The following SEC24B variants were observed in gnomAD, a reference collection of about 807,000 sequenced individuals.
SEC24B encodes SEC24 homolog B, COPII component.
Under a neutral mutation model 142.8 loss-of-function variants are expected in SEC24B, and 45 were observed. That is an observed-to-expected ratio of 0.32 (90% CI 0.25 to 0.40). The LOEUF is 0.40. SEC24B is among the 10% of genes least tolerant of loss of function. The pLI is 1.00. For missense variants in SEC24B, 1,409 were observed against 1,526.8 expected, an observed-to-expected ratio of 0.92 and a Z score of 1.29; for synonymous variants, 574 against 568.2, an observed-to-expected ratio of 1.01 and a Z score of -0.15.
At chr4:109,506,652 T>A in intron 7 of SEC24B, 140 bp downstream of exon 7, 1 of 586,746 alleles carries the variant, frequency 1.7e-6, no homozygotes, top group Non-Finnish European at 2.6e-6. Flanking sequence ...TGTATAGATG[T>A]AAAATTTGAC....
At chr4:109,464,730 A>C (rs1033401027) in intron 2 of SEC24B, among the ~76,000 whole-genome samples, 34 of 152,220 alleles carry the variant, frequency 2.2e-4, no homozygotes, top group African/African-American at 8.0e-4. Context: ...TGCTGTGGAA[A>C]GATATCCTTC....
chr4:109,502,045 A>G (rs1736211619), intron 6 of SEC24B, among the ~76,000 whole-genome samples: 2 of 152,244 alleles, frequency 1.3e-5, no homozygotes, highest in South Asian at 4.1e-4. Context: ...GTGGTCAGAT[A>G]AGCAGCCTTC....
intron 4 of SEC24B, among the ~76,000 whole-genome samples, chr4:109,483,898 AT>A (rs1433867626): frequency 6.6e-6 from 1 of 152,228 alleles, no homozygotes; most frequent in African/African-American, 2.4e-5. Flanking sequence ...TTGCTTTATA[AT>A]TCTCTATCAA....
intron 1 of SEC24B, among the ~76,000 whole-genome samples, chr4:109,453,514 C>T (rs1439538290): frequency 1.6e-5 from 2 of 126,716 alleles, no homozygotes; most frequent in Non-Finnish European, 3.1e-5. Context: ...AGCGATATTT[C>T]TCTTACCCGT....
intron 1 of SEC24B, among the ~76,000 whole-genome samples, chr4:109,434,810 C>T (rs1163137670): frequency 1.3e-4 from 20 of 152,172 alleles, no homozygotes; most frequent in African/African-American, 4.6e-4. Flanking sequence ...GCAGGGCCTT[C>T]ATACAGGCAG....
intron 7 of SEC24B, among the ~76,000 whole-genome samples, chr4:109,508,385 C>T (rs1736948560): frequency 6.6e-6 from 1 of 151,736 alleles, no homozygotes; most frequent in African/African-American, 2.4e-5. Context: ...GACAACATGG[C>T]GAAACCCCTT....
At chr4:109,445,724 A>G (rs1729392778) in intron 1 of SEC24B, among the ~76,000 whole-genome samples, 1 of 151,318 alleles carries the variant, frequency 6.6e-6, no homozygotes, top group Admixed American at 6.6e-5. Context: ...ACAAACCACC[A>G]CACCTGCGTA....
In SEC24B at chr4:109,477,890, C is replaced by T. The variant is rs560033800; in HGVS notation, c.1061-3787C>T. Among the ~76,000 whole-genome samples, 10 of 152,212 alleles carry T rather than the reference C, an allele frequency of 6.6e-5. No homozygotes were observed. In the South Asian group the frequency reaches 2.1e-3, roughly 32 times the overall value. ...AAAGGTTGTAAAATATTTTATTGCA[C>T]ATGTCACATTGACTGAAATCACAGA... On this transcript the variant is annotated intron_variant, in intron 3 of 23. Transcript: ENST00000265175.
At chr4:109,523,394 A>C (rs1561175491) in intron 14 of SEC24B, among the ~76,000 whole-genome samples, 1 of 151,984 alleles carries the variant, frequency 6.6e-6, no homozygotes. Context: ...CACTTGAACC[A>C]GGGAGGCAGA....
intron 21 of SEC24B, 131 bp downstream of exon 21, chr4:109,532,874 A>T: frequency 3.5e-6 from 2 of 572,868 alleles, no homozygotes; most frequent in Non-Finnish European, 6.3e-6. Context: ...TGAAATTGGT[A>T]ACTAGCACTG....
intron 1 of SEC24B, among the ~76,000 whole-genome samples, chr4:109,457,321 A>G (rs1278475341): frequency 6.6e-6 from 1 of 152,226 alleles, no homozygotes; most frequent in Non-Finnish European, 1.5e-5. Flanking sequence ...TTCTTAGTCC[A>G]TTTTGTGCTA....
intron 5 of SEC24B, among the ~76,000 whole-genome samples, chr4:109,493,316 CT>C (rs1480440437): frequency 6.6e-6 from 1 of 151,920 alleles, no homozygotes; most frequent in African/African-American, 2.4e-5. Flanking sequence ...TTAAATGTTT[CT>C]AAGAATATAT....
intron 4 of SEC24B, among the ~76,000 whole-genome samples, chr4:109,484,527 C>CA (rs1334175862): frequency 4.6e-5 from 7 of 151,026 alleles, no homozygotes; most frequent in Non-Finnish European, 1.0e-4. Flanking sequence ...TTGTGTTCTC[C>CA]AAAAAAAGAA....
chr4:109,538,404 TGG>T (rs1223054505), intron 22 of SEC24B, 87 bp from the exon 23 acceptor site: 1 of 803,138 alleles, frequency 1.2e-6, no homozygotes, highest in Non-Finnish European at 2.2e-6. Context: ...TGCTGGCAGT[TGG>T]GGGTGATGGT....
chr4:109,489,643 G>GGTATATATATGATATATTATA (rs1734787704), intron 4 of SEC24B, among the ~76,000 whole-genome samples: 1 of 142,336 alleles, frequency 7.0e-6, no homozygotes, highest in Admixed American at 7.0e-5. Flanking sequence ...GTATATATAT[G>GGTATATATATGATATATTATA]ATATATATGG....
chr4:109,486,733 C>G (rs1395022548), intron 4 of SEC24B, among the ~76,000 whole-genome samples: 1 of 152,200 alleles, frequency 6.6e-6, no homozygotes, highest in Non-Finnish European at 1.5e-5. Flanking sequence ...GCCATTGATT[C>G]AGTGGAAACC....
chr4:109,487,275 A>G (rs1734470765), intron 4 of SEC24B, among the ~76,000 whole-genome samples: 1 of 152,044 alleles, frequency 6.6e-6, no homozygotes, highest in African/African-American at 2.4e-5. Context: ...TTGACAAAGG[A>G]TTTGAAATTT....
chr4:109,506,199 C>G (rs1315570446), intron 6 of SEC24B, 129 bp from the exon 7 acceptor site: 4 of 523,024 alleles, frequency 7.6e-6, no homozygotes, highest in Non-Finnish European at 1.2e-5. Flanking sequence ...TTTAGATTGA[C>G]TGCATACCAA....
rs767685585 is a variant in SEC24B, at chr4:109,516,498, A to C, written c.2014-30A>C. On this transcript the variant is annotated intron_variant, in intron 10 of 23. Transcript: ENST00000265175. ...TAAAAAGAATAAATTGTACCTACCAAATAACTTACTTTATTTTTATTCCTT... is the reference window on the plus strand; with the variant it reads ...TAAAAAGAATAAATTGTACCTACCACATAACTTACTTTATTTTTATTCCTT... 25 of 1,375,662 alleles carry C rather than the reference A, an allele frequency of 1.8e-5. 2 individuals carry two copies. In the South Asian group the frequency reaches 3.2e-4, roughly 18 times the overall value. The allele number at this position is 1,375,662 out of a possible 1,614,324, so 85.2% of individuals were successfully genotyped here.
Sources: allele counts gnomAD v4.1 joint callset (sites outside exome capture counted in the v4.1 genomes callset), GRCh38; gene constraint gnomAD v4.1.1; transcripts MANE v1.5; gene names NCBI Gene and HGNC (gene_info 2026-07-23, HGNC 2026-07-21).